Variants in IRF7 observed in about 807,000 individuals in gnomAD.
IRF7 encodes the protein interferon regulatory factor-7H.
Under a neutral mutation model 51.3 loss-of-function variants are expected in IRF7, and 67 were observed. That is an observed-to-expected ratio of 1.31 (90% CI 1.07 to 1.60). The LOEUF is 1.60. Ranked by LOEUF, IRF7 falls within the 40% of genes most tolerant of loss-of-function variation. The probability of loss-of-function intolerance (pLI) is 0.00; values close to 1 mark genes in which losing one functional copy is unlikely to be tolerated. For synonymous variants in IRF7, 427 were observed against 301.3 expected, an observed-to-expected ratio of 1.42 and a Z score of -4.32; for missense variants, 873 against 701.5, an observed-to-expected ratio of 1.24 and a Z score of -2.76.
At position 615,148 on chromosome 11, in the gene IRF7, C is replaced by T; in HGVS notation, c.132G>A (p.Trp44Ter). ...DEARTCFRVP[W>*]KHFARKDLSE... ...TCAGGTCCTTGCGCGCGAAGTGCTT[C>T]CAGGGCACGCGGAAACAGGTGCGGG... Residue 44 changes from tryptophan to a stop codon, truncating the protein, a stop_gained, in exon 3 of 11, where the codon TGG becomes TGA. Transcript: ENST00000525445. LOFTEE classifies it high-confidence loss of function. 6.2e-7 allele frequency: 1 copy of T among 1,603,862 alleles called. No homozygotes were observed. Among genetic ancestry groups the T allele is most frequent in the Non-Finnish European group, 8.5e-7 (1 of 1,179,172 alleles).
chr11:613,249 C>T lies in IRF7; in HGVS notation c.1194G>A (p.Arg398=), dbSNP rs900460497. ...SPSTPACLLP[R]NCDTPIFDFR... ...AGTCGAAGATGGGGGTGTCACAGTT[C>T]CGAGGCAGCAGGCAGGCTGGGGTGG... Residue 398 remains arginine, a synonymous_variant, in exon 9 of 11, where the codon CGG becomes CGA. Transcript: ENST00000525445. The T allele has an allele frequency of 6.3e-7, 1 of 1,597,506 alleles. No homozygotes were observed.
chr11:614,070 C>T, intron 6 of IRF7, 33 bp from the exon 7 acceptor site: 2 of 1,590,198 alleles, frequency 1.3e-6, no homozygotes, highest in South Asian at 1.1e-5. Flanking sequence ...AACGGTGGTC[C>T]CCTCCTAATT....
chr11:612,679 T>A lies in IRF7; in HGVS notation c.1478A>T (p.Glu493Val), dbSNP rs780747698. ...CTGCTCCAGCTCCATAAGGAAGCAC[T>A]CGATGTCGTCATAGAGGCTGTTGGC... ...SSANSLYDDI[E>V]CFLMELEQPA Residue 493 changes from glutamate to valine, a missense_variant, in exon 11 of 11, where the codon GAG becomes GTG. By Grantham distance (121) the Glu-to-Val change is moderately radical. Coordinates refer to ENST00000525445, the MANE Select transcript of IRF7 (RefSeq NM_001572.5). 21 of 1,613,190 alleles carry A rather than the reference T, an allele frequency of 1.3e-5. No homozygotes were observed. The highest frequency in any genetic ancestry group is 1.7e-5 in the Non-Finnish European group (20 of 1,180,018).
chr11:614,380 A>G lies in IRF7; in HGVS notation c.473T>C (p.Phe158Ser). 1 of 1,607,358 alleles carries G rather than the reference A, an allele frequency of 6.2e-7. No homozygotes were observed. Among genetic ancestry groups the G allele is most frequent in the Non-Finnish European group, 8.5e-7 (1 of 1,177,702 alleles). The change falls in exon 6 of 11, where the codon TTC becomes TCC. Residue 158 changes from phenylalanine to serine, a missense_variant. Transcript: ENST00000525445. ...PPPQGGPPGP[F>S]LAHTHAGLQA... ...GAGTCCAGCATGTGTGTGTGCCAGG[A>G]ATGGCCCTGGGGGCCCACCCTGCAG...
Position 612,882 on chromosome 11 carries a change from GTC to G in IRF7, c.1357-84_1357-83del, listed in dbSNP as rs2133125814. The G allele has an allele frequency of 1.9e-6, 3 of 1,590,256 alleles. No homozygotes were observed. The South Asian group carries it at 3.3e-5, about 18-fold the overall frequency. On this transcript the variant is annotated intron_variant, in intron 10 of 10. Transcript: ENST00000525445. ...TCCCCAGGCTCTGAGGGCGTCGGGC[GTC>G]TGTCAGTGACCCGGTGTATGGCCTC...
chr11:614,637 C>G, intron 4 of IRF7, 103 bp from the exon 5 acceptor site: 29 of 1,455,482 alleles, frequency 2.0e-5, no homozygotes, highest in Non-Finnish European at 2.7e-5. Flanking sequence ...AACCCTTAGG[C>G]TGTGGCCTGA....
chr11:612,617 CT>C lies in IRF7; in HGVS notation c.*27del. The C allele has an allele frequency of 3.7e-6, 6 of 1,609,872 alleles. No individual in the cohort carries two copies. The highest frequency in any genetic ancestry group is 5.1e-6 in the Non-Finnish European group (6 of 1,178,630). On this transcript the variant is annotated 3_prime_UTR_variant, in exon 11 of 11. Transcript: ENST00000525445. ...GCCAGCTCTAGGTGGGCTGCTCCAG[CT>C]TTCTGGAGTTCTCATTAGACTGGGT...
At chr11:615,709 A>G (rs1333879180) in intron 1 of IRF7, 62 bp from the exon 2 acceptor site, 1 of 349,024 alleles carries the variant, frequency 2.9e-6, no homozygotes, top group African/African-American at 2.1e-5. Flanking sequence ...CGAAACCTAA[A>G]CAGTGGCGCT....
rs751103357 is a variant in IRF7 at position 614,958 on chromosome 11, C to A, written c.233G>T (p.Gly78Val). The change falls in exon 4 of 11, where the codon GGC (glycine) becomes GTC (valine). Residue 78 changes from glycine (G) to valine (V), a missense_variant. Gly to Val is a moderately radical substitution (Grantham distance 109). Coordinates refer to ENST00000525445, the MANE Select transcript of IRF7 (RefSeq NM_001572.5). ...GRWPPSSRGG[G>V]PPPEAETAER... ...CGCAGTCTCAGCCTCGGGGGGCGGG[C>A]CACCTCCCCTGCTGCTAGGCGGCCA... The A allele has an allele frequency of 1.3e-6, 2 of 1,562,244 alleles. No homozygotes were observed. The highest frequency in any genetic ancestry group is 1.4e-5 in the African/African-American group (1 of 73,848).
rs943352970 is a variant in IRF7 at position 614,896 on chromosome 11, G to A, written c.295C>T (p.Leu99=). The A allele has an allele frequency of 1.3e-6, 2 of 1,586,224 alleles. No individual in the cohort carries two copies. The highest frequency in any genetic ancestry group is 1.1e-5 in the South Asian group (1 of 87,582). The change falls in exon 4 of 11, where the codon CTG becomes TTG. Residue 99 remains leucine, a synonymous_variant. Coordinates refer to ENST00000525445, the MANE Select transcript of IRF7 (RefSeq NM_001572.5). ...ATCACGAAGCGACGCGTGCTGCGCA[G>A]TGCGCAGCGGAAGTTGGTTTTCCAG... is the stretch of plus-strand genomic sequence containing the variant. ...AGWKTNFRCA[L]RSTRRFVMLR...
rs754744688 is a variant in IRF7, at chr11:615,112, G to A, written c.168C>T (p.Asp56=). The change falls in exon 3 of 11, where the codon GAC becomes GAT. Residue 56 remains aspartate, a synonymous_variant. Coordinates refer to ENST00000525445, the MANE Select transcript of IRF7 (RefSeq NM_001572.5). Reference sequence around the variant, plus strand: ...GGGTCCCCACCTTGAAGATGCGCGCGTCGGCCTCGCTCAGGTCCTTGCGCG... The same window carrying A: ...GGGTCCCCACCTTGAAGATGCGCGCATCGGCCTCGCTCAGGTCCTTGCGCG... ...HFARKDLSEA[D]ARIFKAWAVA... 1.6e-5 allele frequency: 26 copies of A among 1,594,460 alleles called. No homozygotes were observed. Among genetic ancestry groups the A allele is most frequent in the South Asian group, 4.4e-5 (4 of 89,924 alleles).
chr11:614,074 C>A (rs377636237), intron 6 of IRF7, 37 bp from the exon 7 acceptor site: 25 of 1,587,526 alleles, frequency 1.6e-5, no homozygotes, highest in Non-Finnish European at 2.1e-5. Flanking sequence ...GTGGTCCCCT[C>A]CTAATTCTCC....
chr11:614,934 G>T lies in IRF7; in HGVS notation c.257C>A (p.Ala86Glu), dbSNP rs771414323. 6.3e-7 allele frequency: 1 copy of T among 1,580,096 alleles called. No homozygotes were observed. Among genetic ancestry groups the T allele is most frequent in the Non-Finnish European group, 8.6e-7 (1 of 1,165,554 alleles). The change falls in exon 4 of 11, where the codon GCG becomes GAG. Residue 86 changes from alanine to glutamate, a missense_variant. Ala to Glu is a moderately radical substitution (Grantham distance 107). Coordinates refer to ENST00000525445, the MANE Select transcript of IRF7 (RefSeq NM_001572.5). ...GTTGGTTTTCCAGCCGGCGCGCTCC[G>T]CAGTCTCAGCCTCGGGGGGCGGGCC... ...GGGPPPEAETAERAGWKTNFR... is the reference protein window; with the variant it reads ...GGGPPPEAETEERAGWKTNFR...
chr11:614,977 G>A lies in IRF7; in HGVS notation c.214C>T (p.Pro72Ser). The A allele has an allele frequency of 6.5e-7, 1 of 1,549,064 alleles. No individual in the cohort carries two copies. Among genetic ancestry groups the A allele is most frequent in the Non-Finnish European group, 8.7e-7 (1 of 1,152,562 alleles). Residue 72 changes from proline (P) to serine (S), a missense_variant, in exon 4 of 11, where the codon CCT becomes TCT. Pro to Ser is a moderately conservative substitution (Grantham distance 74, BLOSUM62 -1). Transcript: ENST00000525445. ...AWAVARGRWP[P>S]SSRGGGPPPE... ...GGCGGGCCACCTCCCCTGCTGCTAGGCGGCCACCTGCCGCGGGCCACAGCC... is the reference window on the plus strand; with the variant it reads ...GGCGGGCCACCTCCCCTGCTGCTAGACGGCCACCTGCCGCGGGCCACAGCC...
rs779476655 is a variant in IRF7, at chr11:615,230, C to T, written c.50G>A (p.Trp17Ter). The T allele has an allele frequency of 5.7e-6, 9 of 1,592,506 alleles. No individual in the cohort carries two copies. The highest frequency in any genetic ancestry group is 7.7e-6 in the Non-Finnish European group (9 of 1,173,938). The change falls in exon 3 of 11, where the codon TGG (tryptophan) becomes TAG (stop). Residue 17 changes from tryptophan to a stop codon, truncating the protein, a stop_gained. Coordinates refer to ENST00000525445, the MANE Select transcript of IRF7 (RefSeq NM_001572.5). LOFTEE classifies it high-confidence loss of function. ...RAAPRVLFGE[W>*]LLGEISSGCY... ...GCCGCTGCTGATCTCTCCAAGGAGCCACTCTCCGAACAGCACGCGTGGGGC... is the reference window on the plus strand; with the variant it reads ...GCCGCTGCTGATCTCTCCAAGGAGCTACTCTCCGAACAGCACGCGTGGGGC...
chr11:613,714 G>T, intron 8 of IRF7, 71 bp downstream of exon 8: 3 of 1,098,250 alleles, frequency 2.7e-6, no homozygotes, highest in Non-Finnish European at 3.6e-6. Flanking sequence ...GTGAGTGATG[G>T]GTGGGCGGGG....
rs752476163 is a variant in IRF7, at chr11:614,179, G to C, written c.674C>G (p.Ala225Gly). ...CTCCCCGGGCACGCCCACACCTCCAGCACAGGCCCCAGTCAGGGGAAGCCC... is the reference window on the plus strand; with the variant it reads ...CTCCCCGGGCACGCCCACACCTCCACCACAGGCCCCAGTCAGGGGAAGCCC... The part of the protein sequence containing the change: ...QEGLPLTGAC[A>G]GGPGLPAGEL... The change falls in exon 6 of 11, where the codon GCT becomes GGT. Residue 225 changes from alanine (A) to glycine (G), a missense_variant. Transcript: ENST00000525445. 3 of 1,612,136 alleles carry C rather than the reference G, an allele frequency of 1.9e-6. No homozygotes were observed. Among genetic ancestry groups the C allele is most frequent in the Non-Finnish European group, 1.7e-6 (2 of 1,179,666 alleles).
At position 615,195 on chromosome 11, in the gene IRF7, C is replaced by T; in HGVS notation, c.85G>A (p.Gly29Arg). The stretch of plus-strand genomic sequence containing the variant: ...CGGGCCTCGTCCAGCCACTGCAGCC[C>T]CTCATAGCAGCCGCTGCTGATCTCT... Reference protein sequence around the residue: ...LGEISSGCYEGLQWLDEARTC... With the variant: ...LGEISSGCYERLQWLDEARTC... The change falls in exon 3 of 11, where the codon GGG (glycine) becomes AGG (arginine). Residue 29 changes from glycine to arginine, a missense_variant. Transcript: ENST00000525445. The T allele has an allele frequency of 1.9e-6, 3 of 1,603,210 alleles. No individual in the cohort carries two copies. The highest frequency in any genetic ancestry group is 1.7e-6 in the Non-Finnish European group (2 of 1,178,382).
rs373394984 is a variant in IRF7, at chr11:613,532, A to T, written c.911T>A (p.Val304Glu). 154 of 1,569,924 alleles carry T rather than the reference A, an allele frequency of 9.8e-5. No homozygotes were observed. Among genetic ancestry groups the T allele is most frequent in the Non-Finnish European group, 1.3e-4 (147 of 1,160,018 alleles). Residue 304 changes from valine (V) to glutamate (E), a missense_variant, in exon 9 of 11, where the codon GTG becomes GAG. By Grantham distance (121) the Val-to-Glu change is moderately radical (BLOSUM62 -2). Coordinates refer to ENST00000525445, the MANE Select transcript of IRF7 (RefSeq NM_001572.5). ...GAACGTGCAGCTCGGGTGTCCCACC[A>T]CCTTCTGCAGCACCGTGCGGCCCTT... ...MYKGRTVLQK[V>E]VGHPSCTFLY...
Sources: gnomAD v4.1 joint callset for allele counts on GRCh38, gnomAD v4.1.1 for gene constraint, MANE v1.5 for transcripts, NCBI Gene and HGNC (gene_info 2026-07-23, HGNC 2026-07-21) for gene names.